The following ZFHX3 variants were observed in gnomAD, a reference collection of about 807,000 sequenced individuals.
ZFHX3 encodes the protein zinc finger homeobox 3, also known as zinc finger homeobox protein 3.
Under a neutral mutation model 279.1 loss-of-function variants are expected in ZFHX3, and 42 were observed. The ratio of observed to expected loss-of-function variants is 0.15; its 90% CI spans 0.12 to 0.19. The LOEUF is 0.19. Among genes scored for constraint, ZFHX3 ranks in the 10% least tolerant of loss-of-function variants. ZFHX3 has a pLI of 1.00. For missense variants in ZFHX3, 4,981 were observed against 4,754.0 expected (o/e 1.05, Z -1.40); for synonymous variants, 2,293 against 1,957.8 (o/e 1.17, Z -4.52).
chr16:73,015,073 G>T (rs1409812415), intron 1 of ZFHX3: 2 of 132,142 alleles, frequency 1.5e-5, no homozygotes, highest in African/African-American at 5.7e-5. Context: ...TTGAGATAGG[G>T]TCTCACTCTG....
chr16:73,800,684 T>G (rs753875482), intron 1 of ZFHX3, among the ~76,000 whole-genome samples: 1 of 152,130 alleles, frequency 6.6e-6, no homozygotes, highest in Non-Finnish European at 1.5e-5. Flanking sequence ...GCTTTCTCAA[T>G]TGGTTTCTGA....
chr16:73,590,621 T>C (rs565701738), intron 2 of ZFHX3, among the ~76,000 whole-genome samples: 10 of 152,352 alleles, frequency 6.6e-5, no homozygotes, highest in Non-Finnish European at 1.3e-4. Context: ...CTCATTATTT[T>C]GAAAATTGGT....
At chr16:73,579,383 C>A (rs902696804) in intron 2 of ZFHX3, among the ~76,000 whole-genome samples, 11 of 152,186 alleles carry the variant, frequency 7.2e-5, no homozygotes, top group African/African-American at 2.7e-4. Flanking sequence ...GCATCCTTAA[C>A]CTTGGCAAAA....
intron 2 of ZFHX3, among the ~76,000 whole-genome samples, chr16:73,512,678 T>C (rs2019454029): frequency 6.6e-6 from 1 of 152,224 alleles, no homozygotes; most frequent in Non-Finnish European, 1.5e-5. Flanking sequence ...TCTTAGTACC[T>C]GCCTGGGCTA....
At chr16:73,770,175 T>G (rs1223660842) in intron 1 of ZFHX3, among the ~76,000 whole-genome samples, 2 of 152,190 alleles carry the variant, frequency 1.3e-5, no homozygotes, top group African/African-American at 4.8e-5. Flanking sequence ...TCCAGTGTAA[T>G]CACAAAGGCC....
At chr16:73,073,105 C>G (rs1273074844) in intron 8 of ZFHX3, among the ~76,000 whole-genome samples, 1 of 152,148 alleles carries the variant, frequency 6.6e-6, no homozygotes, top group African/African-American at 2.4e-5. Context: ...CTGTGTTGCC[C>G]AGGCTGGTCT....
At chr16:72,833,470 G>A (rs771779272) in intron 4 of ZFHX3, among the ~76,000 whole-genome samples, 10 of 152,156 alleles carry the variant, frequency 6.6e-5, no homozygotes, top group Non-Finnish European at 1.2e-4. Flanking sequence ...AAGACCTGAT[G>A]GACTGATGAT....
chr16:72,995,225 C>T (rs1963240011), intron 1 of ZFHX3, among the ~76,000 whole-genome samples: 2 of 152,084 alleles, frequency 1.3e-5, no homozygotes, highest in African/African-American at 4.8e-5. Flanking sequence ...TAATAAATGT[C>T]GAGTCCTAAT....
At chr16:73,090,672 A>G (rs1022639985) in intron 8 of ZFHX3, among the ~76,000 whole-genome samples, 1 of 149,306 alleles carries the variant, frequency 6.7e-6, no homozygotes, top group Non-Finnish European at 1.5e-5. Context: ...AGATTGCTTG[A>G]GCCCAGGAGT....
intron 3 of ZFHX3, among the ~76,000 whole-genome samples, chr16:73,336,611 C>T (rs533021554): frequency 6.6e-6 from 1 of 152,094 alleles, no homozygotes; most frequent in Non-Finnish European, 1.5e-5. Flanking sequence ...TGTATACGTG[C>T]CATATTTTCT....
At chr16:73,624,456 C>A (rs1180389817) in intron 2 of ZFHX3, among the ~76,000 whole-genome samples, 1 of 104,058 alleles carries the variant, frequency 9.6e-6, no homozygotes, top group Non-Finnish European at 2.4e-5. Flanking sequence ...CAACCTGAGA[C>A]CTAGAGTCAG....
intron 1 of ZFHX3, among the ~76,000 whole-genome samples, chr16:73,766,636 G>A (rs185277490): frequency 3.3e-5 from 5 of 152,292 alleles, no homozygotes; most frequent in African/African-American, 1.2e-4. Flanking sequence ...AGAATGATGC[G>A]GGATGTTGGA....
chr16:72,906,670 C>T (rs890587235), intron 3 of ZFHX3, among the ~76,000 whole-genome samples: 4 of 152,100 alleles, frequency 2.6e-5, no homozygotes, highest in Non-Finnish European at 5.9e-5. Flanking sequence ...TGGTGGCACG[C>T]GCCCGCAGTC....
chr16:73,372,091 A>G (rs1017022479), intron 3 of ZFHX3, among the ~76,000 whole-genome samples: 2 of 152,248 alleles, frequency 1.3e-5, no homozygotes, highest in African/African-American at 4.8e-5. Flanking sequence ...ATGGCATTTT[A>G]TACTCAGCAG....
chr16:73,298,010 C>A (rs2014957588), intron 4 of ZFHX3, among the ~76,000 whole-genome samples: 1 of 144,026 alleles, frequency 6.9e-6, no homozygotes, highest in Admixed American at 7.1e-5. Flanking sequence ...CATAACCAGA[C>A]CCTGTCTCTA....
At chr16:73,496,489 C>T (rs2019144293) in intron 2 of ZFHX3, among the ~76,000 whole-genome samples, 1 of 152,202 alleles carries the variant, frequency 6.6e-6, no homozygotes, top group Non-Finnish European at 1.5e-5. Flanking sequence ...CAAGATCGTG[C>T]CACTGCACTC....
chr16:73,263,379 G>A (rs544516208), intron 4 of ZFHX3, among the ~76,000 whole-genome samples: 1 of 152,110 alleles, frequency 6.6e-6, no homozygotes, highest in Admixed American at 6.5e-5. Context: ...TAAGAGATGG[G>A]GGTCACAGTA....
intron 1 of ZFHX3, among the ~76,000 whole-genome samples, chr16:73,876,769 T>C (rs938803497): frequency 6.6e-6 from 1 of 152,268 alleles, no homozygotes; most frequent in Non-Finnish European, 1.5e-5. Flanking sequence ...TTCTTAACCA[T>C]GTAAAACAAC....
intron 1 of ZFHX3, among the ~76,000 whole-genome samples, chr16:72,974,135 T>C (rs965660096): frequency 2.6e-5 from 4 of 152,138 alleles, no homozygotes; most frequent in African/African-American, 9.7e-5. Flanking sequence ...ACTTGGCAGT[T>C]TGGGGAATGC....
Sources: allele counts gnomAD v4.1 joint callset (sites outside exome capture counted in the v4.1 genomes callset), GRCh38; gene constraint gnomAD v4.1.1; transcripts MANE v1.5; gene names NCBI Gene and HGNC (gene_info 2026-07-23, HGNC 2026-07-21).